The following ATRN variants were observed in gnomAD, a reference collection of about 807,000 sequenced individuals.
ATRN encodes attractin-2.
In ATRN, 54 loss-of-function variants were observed where a neutral mutation model predicts 178.7. The ratio of observed to expected loss-of-function variants is 0.30; its 90% CI spans 0.24 to 0.38. The LOEUF is 0.38. ATRN is among the 10% of genes least tolerant of loss of function. The pLI is 1.00. For missense variants in ATRN, 1,443 were observed against 1,815.1 expected, an observed-to-expected ratio of 0.79 and a Z score of 3.73; for synonymous variants, 636 against 663.0, an observed-to-expected ratio of 0.96 and a Z score of 0.63.
intron 1 of ATRN, among the ~76,000 whole-genome samples, chr20:3,504,175 C>G (rs1243961392): frequency 6.6e-6 from 1 of 152,092 alleles, no homozygotes; most frequent in African/African-American, 2.4e-5. Flanking sequence ...ATTTCTGTAT[C>G]TGGTGAAATT....
intron 2 of ATRN, among the ~76,000 whole-genome samples, chr20:3,538,657 T>C (rs2085574840): frequency 6.6e-6 from 1 of 152,186 alleles, no homozygotes; most frequent in Non-Finnish European, 1.5e-5. Flanking sequence ...AGCCTGTCAG[T>C]AAGTTCTGTC....
chr20:3,561,580 A>G (rs937932158), intron 8 of ATRN, among the ~76,000 whole-genome samples: 1 of 152,204 alleles, frequency 6.6e-6, no homozygotes, highest in Non-Finnish European at 1.5e-5. Flanking sequence ...TACCCTTAAT[A>G]TGAAATATTT....
intron 24 of ATRN, among the ~76,000 whole-genome samples, chr20:3,611,147 G>A (rs1166318465): frequency 1.3e-5 from 2 of 152,060 alleles, no homozygotes; most frequent in East Asian, 3.8e-4. Flanking sequence ...TTTTAGACTC[G>A]ATACTAAAAA....
chr20:3,621,526 G>A (rs553330450), intron 24 of ATRN, among the ~76,000 whole-genome samples: 24 of 152,324 alleles, frequency 1.6e-4, no homozygotes, highest in Non-Finnish European at 2.8e-4. Context: ...GTCGTAGGAC[G>A]TGAATTCTAG....
At chr20:3,590,238 A>G (rs1281383595) in intron 18 of ATRN, among the ~76,000 whole-genome samples, 2 of 152,226 alleles carry the variant, frequency 1.3e-5, no homozygotes, top group African/African-American at 4.8e-5. Context: ...GGCATGAGCC[A>G]CCACACCCAG....
chr20:3,532,824 G>A (rs1230684192), intron 1 of ATRN, among the ~76,000 whole-genome samples: 9 of 151,660 alleles, frequency 5.9e-5, no homozygotes, highest in African/African-American at 2.2e-4. Context: ...GTGCAGTGGC[G>A]CGATCTTGGC....
At chr20:3,635,420 T>C (rs373417933) in intron 26 of ATRN, among the ~76,000 whole-genome samples, 1 of 151,716 alleles carries the variant, frequency 6.6e-6, no homozygotes, top group East Asian at 1.9e-4. Context: ...ACCATTAAAA[T>C]AATTACAACA....
intron 1 of ATRN, among the ~76,000 whole-genome samples, chr20:3,487,801 C>T (rs576708665): frequency 6.6e-6 from 1 of 152,108 alleles, no homozygotes; most frequent in Non-Finnish European, 1.5e-5. Flanking sequence ...GGGTGTGGGA[C>T]TCGTTATGAA....
chr20:3,549,007 C>A (rs1416577536), intron 5 of ATRN, among the ~76,000 whole-genome samples, 163 bp from the exon 6 acceptor site: 1 of 152,040 alleles, frequency 6.6e-6, no homozygotes, highest in Non-Finnish European at 1.5e-5. Context: ...TTGGTCAATA[C>A]CCTGAATAAA....
intron 1 of ATRN, among the ~76,000 whole-genome samples, chr20:3,507,102 A>G (rs1473645574): frequency 6.6e-6 from 1 of 151,696 alleles, no homozygotes; most frequent in Admixed American, 6.6e-5. Flanking sequence ...GCACCAACCT[A>G]ATATTTAATA....
chr20:3,556,128 A>G (rs1172876397), intron 6 of ATRN, among the ~76,000 whole-genome samples: 1 of 152,266 alleles, frequency 6.6e-6, no homozygotes. Flanking sequence ...TTGTAGTAAT[A>G]CATTGGGAAA....
intron 24 of ATRN, among the ~76,000 whole-genome samples, chr20:3,608,355 C>G (rs950074554): frequency 1.3e-5 from 2 of 152,138 alleles, no homozygotes; most frequent in Non-Finnish European, 1.5e-5. Flanking sequence ...ATACTTAAGC[C>G]TTTAATCCAT....
intron 3 of ATRN, among the ~76,000 whole-genome samples, chr20:3,543,088 C>A (rs776114817): frequency 6.6e-6 from 1 of 152,210 alleles, no homozygotes; most frequent in Non-Finnish European, 1.5e-5. Flanking sequence ...AATGTCACCT[C>A]TTCTAAGAGG....
At chr20:3,585,915 T>A (rs1375857222) in intron 18 of ATRN, among the ~76,000 whole-genome samples, 1 of 152,162 alleles carries the variant, frequency 6.6e-6, no homozygotes, top group Admixed American at 6.5e-5. Flanking sequence ...CCCACTGAGA[T>A]GGCTGTAATC....
At chr20:3,634,765 C>T (rs776843729) in intron 26 of ATRN, among the ~76,000 whole-genome samples, 1 of 152,126 alleles carries the variant, frequency 6.6e-6, no homozygotes, top group Non-Finnish European at 1.5e-5. Context: ...ACTTGTCATG[C>T]GAGAGGGAAA....
In ATRN at chr20:3,549,069, A is replaced by G; in HGVS notation, c.944-101A>G. On this transcript the variant is annotated intron_variant, in intron 5 of 28. Transcript: ENST00000262919. Reference sequence around the variant, plus strand: ...CTGATATTTAAATGCTAAAGGAAAGACTATTATTTAAATATTTGTTACATT... The same window carrying G: ...CTGATATTTAAATGCTAAAGGAAAGGCTATTATTTAAATATTTGTTACATT... 3 of 968,256 alleles carry G rather than the reference A, an allele frequency of 3.1e-6. No homozygotes were observed. In the South Asian group the frequency reaches 5.3e-5, roughly 17 times the overall value. The allele number at this position is 968,256 out of a possible 1,614,324, so 60.0% of individuals were successfully genotyped here.
At chr20:3,530,562 G>A (rs2085440148) in intron 1 of ATRN, among the ~76,000 whole-genome samples, 1 of 151,814 alleles carries the variant, frequency 6.6e-6, no homozygotes. Flanking sequence ...TTACAGGTGT[G>A]AGCCACTACG....
chr20:3,540,828 C>T (rs1161378481), intron 3 of ATRN, among the ~76,000 whole-genome samples: 2 of 152,014 alleles, frequency 1.3e-5, no homozygotes, highest in Non-Finnish European at 2.9e-5. Flanking sequence ...TGGAACAGTA[C>T]ATATAAAATG....
intron 22 of ATRN, among the ~76,000 whole-genome samples, chr20:3,598,463 ACT>A (rs1485601662): frequency 1.3e-5 from 2 of 152,162 alleles, no homozygotes; most frequent in South Asian, 2.1e-4. Context: ...GGGAGGGGAC[ACT>A]CTGCTCCTAG....
Sources: allele counts gnomAD v4.1 joint callset (sites outside exome capture counted in the v4.1 genomes callset), GRCh38; gene constraint gnomAD v4.1.1; transcripts MANE v1.5; gene names NCBI Gene and HGNC (gene_info 2026-07-23, HGNC 2026-07-21).